The following GFRAL variants were observed in gnomAD, a reference collection of about 807,000 sequenced individuals.
The protein encoded by GFRAL is GDNF family receptor alpha like, also known as GDNF family receptor alpha-like.
GFRAL carries 36 observed loss-of-function variants against 45.4 expected under a neutral mutation model. That is an observed-to-expected ratio of 0.79 (90% CI 0.61 to 1.05). The LOEUF is 1.05. GFRAL is among the 50% of genes least tolerant of loss of function. The probability of loss-of-function intolerance (pLI) is 0.00; values close to 1 mark genes in which losing one functional copy is unlikely to be tolerated. For missense variants in GFRAL, 507 were observed against 467.5 expected, an observed-to-expected ratio of 1.08 and a Z score of -0.78; for synonymous variants, 166 against 154.1, an observed-to-expected ratio of 1.08 and a Z score of -0.57.
intron 5 of GFRAL, among the ~76,000 whole-genome samples, chr6:55,355,766 T>C (rs970141069): frequency 4.0e-5 from 6 of 151,882 alleles, no homozygotes; most frequent in Admixed American, 2.6e-4. Context: ...TGTTGAATAA[T>C]AGTGATGAAA....
intron 6 of GFRAL, among the ~76,000 whole-genome samples, chr6:55,377,234 A>G (rs1768547422): frequency 6.6e-6 from 1 of 152,002 alleles, no homozygotes; most frequent in Non-Finnish European, 1.5e-5. Flanking sequence ...GACTGCTAAG[A>G]CAATTCTCCA....
At chr6:55,360,972 G>A (rs932841400) in intron 6 of GFRAL, among the ~76,000 whole-genome samples, 1 of 151,854 alleles carries the variant, frequency 6.6e-6, no homozygotes, top group African/African-American at 2.4e-5. Flanking sequence ...TTCTAAACAT[G>A]TTTTTCTCAA....
At chr6:55,351,650 C>A in intron 5 of GFRAL, 67 bp downstream of exon 5, 2 of 1,084,366 alleles carry the variant, frequency 1.8e-6, no homozygotes, top group Non-Finnish European at 1.3e-6. Flanking sequence ...CCAGTCCTAA[C>A]ACTTGATCTC....
At chr6:55,358,859 CTA>C in intron 5 of GFRAL, 27 bp from the exon 6 acceptor site, 2 of 1,602,226 alleles carry the variant, frequency 1.2e-6, no homozygotes, top group Non-Finnish European at 1.7e-6. Context: ...CTATTCAAAA[CTA>C]ATTATTTTTC....
Position 55,397,284 on chromosome 6 carries a change from C to T in GFRAL, c.953-1896C>T, listed in dbSNP as rs576828903. On this transcript the variant is annotated intron_variant, in intron 6 of 8. Coordinates refer to ENST00000340465, the MANE Select transcript of GFRAL (RefSeq NM_207410.2). ...CTGTAATCCCAGCACTTTGGGAGGC[C>T]GAGGCGGGTGGATCATGAGGTCAGG... Among the ~76,000 whole-genome samples, 10 of 150,422 alleles carry T rather than the reference C, an allele frequency of 6.6e-5. No individual in the cohort carries two copies. The East Asian group carries it at 1.6e-3, about 24-fold the overall frequency.
chr6:55,339,653 C>T (rs1009042901), intron 3 of GFRAL, among the ~76,000 whole-genome samples: 1 of 151,978 alleles, frequency 6.6e-6, no homozygotes, highest in Non-Finnish European at 1.5e-5. Flanking sequence ...TGTCAAAATT[C>T]TGAAAAGTCA....
rs942547445 is a variant in GFRAL at position 55,360,040 on chromosome 6, C to T, written c.952+902C>T. ...ATGATGAAATGGAAAACATATTTTCCGAAGTTATTGTTTAATTTAGGGACA... is the reference window on the plus strand; with the variant it reads ...ATGATGAAATGGAAAACATATTTTCTGAAGTTATTGTTTAATTTAGGGACA... On this transcript the variant is annotated intron_variant, in intron 6 of 8. Transcript: ENST00000340465. Among the ~76,000 whole-genome samples, 8 of 151,768 alleles carry T rather than the reference C, an allele frequency of 5.3e-5. No individual in the cohort carries two copies. The East Asian group carries it at 5.8e-4, about 11-fold the overall frequency.
At chr6:55,358,643 C>A (rs1768228352) in intron 5 of GFRAL, among the ~76,000 whole-genome samples, 1 of 151,920 alleles carries the variant, frequency 6.6e-6, no homozygotes, top group South Asian at 2.1e-4. Context: ...GAAAATCCAT[C>A]CGTGGAATCC....
At chr6:55,360,502 A>G (rs1003776463) in intron 6 of GFRAL, among the ~76,000 whole-genome samples, 9 of 151,928 alleles carry the variant, frequency 5.9e-5, no homozygotes, top group African/African-American at 2.2e-4. Context: ...CACATTAGCC[A>G]ATGTGCTAAA....
intron 5 of GFRAL, among the ~76,000 whole-genome samples, chr6:55,352,611 A>T (rs1341188560): frequency 2.0e-5 from 3 of 151,996 alleles, no homozygotes; most frequent in African/African-American, 7.2e-5. Flanking sequence ...ATTTGGTTGG[A>T]TGCAGTATTG....
At chr6:55,359,435 C>G (rs1768243817) in intron 6 of GFRAL, among the ~76,000 whole-genome samples, 1 of 151,978 alleles carries the variant, frequency 6.6e-6, no homozygotes, top group Non-Finnish European at 1.5e-5. Flanking sequence ...ATGGATATAT[C>G]AAGTATCAAT....
Position 55,399,176 on chromosome 6 carries a change from T to A in GFRAL, c.953-4T>A. 10 of 1,489,260 alleles carry A rather than the reference T, an allele frequency of 6.7e-6. No individual in the cohort carries two copies. The highest frequency in any genetic ancestry group is 9.1e-6 in the Non-Finnish European group (10 of 1,094,370). The allele number at this position is 1,489,260 out of a possible 1,614,324, so 92.3% of individuals were successfully genotyped here. ...CTAATCTCATTTTTATGATTTTCTT[T>A]CAGATTATCCAACCCTGTCTAATGT... On this transcript the variant is annotated splice_region_variant and splice_polypyrimidine_tract_variant and intron_variant, in intron 6 of 8. Transcript: ENST00000340465.
chr6:55,334,946 A>G (rs780453195), intron 3 of GFRAL, among the ~76,000 whole-genome samples: 3 of 152,174 alleles, frequency 2.0e-5, no homozygotes, highest in Non-Finnish European at 4.4e-5. Flanking sequence ...AGTAAATTGC[A>G]TTATTTCCAG....
At chr6:55,364,593 T>A (rs552881147) in intron 6 of GFRAL, among the ~76,000 whole-genome samples, 1 of 147,766 alleles carries the variant, frequency 6.8e-6, no homozygotes, top group South Asian at 2.1e-4. Context: ...AAGTCTTTAA[T>A]CCATCTTGAA....
At chr6:55,388,044 C>T (rs1012657103) in intron 6 of GFRAL, among the ~76,000 whole-genome samples, 9 of 152,114 alleles carry the variant, frequency 5.9e-5, no homozygotes, top group Non-Finnish European at 1.0e-4. Flanking sequence ...AGACACTGCT[C>T]CCCACTGTCT....
intron 3 of GFRAL, among the ~76,000 whole-genome samples, chr6:55,349,681 A>G (rs1768088406): frequency 6.6e-6 from 1 of 151,860 alleles, no homozygotes; most frequent in East Asian, 1.9e-4. Context: ...TAAAAATTGC[A>G]TTTCATACTA....
intron 6 of GFRAL, among the ~76,000 whole-genome samples, chr6:55,382,045 C>T (rs966563404): frequency 2.6e-5 from 4 of 151,828 alleles, no homozygotes; most frequent in African/African-American, 7.2e-5. Flanking sequence ...TAGTTTCCTT[C>T]AAATTCAGTC....
chr6:55,349,161 A>G (rs1046731049), intron 3 of GFRAL, among the ~76,000 whole-genome samples: 5 of 152,068 alleles, frequency 3.3e-5, no homozygotes, highest in African/African-American at 4.8e-5. Flanking sequence ...CTTGGACAAT[A>G]TAAGGAGTCT....
intron 6 of GFRAL, among the ~76,000 whole-genome samples, chr6:55,387,319 G>T (rs896009464): frequency 6.6e-6 from 1 of 152,100 alleles, no homozygotes; most frequent in African/African-American, 2.4e-5. Flanking sequence ...CAATCCTCTT[G>T]TTGCCTATAA....
Sources: allele counts gnomAD v4.1 joint callset (sites outside exome capture counted in the v4.1 genomes callset), GRCh38; gene constraint gnomAD v4.1.1; transcripts MANE v1.5; gene names NCBI Gene and HGNC (gene_info 2026-07-23, HGNC 2026-07-21).